The following MIS18A variants were observed in gnomAD, a reference collection of about 807,000 sequenced individuals.
MIS18A encodes MIS18 kinetochore protein A.
In MIS18A, 14 loss-of-function variants were observed where a neutral mutation model predicts 25.0. That is an observed-to-expected ratio of 0.56 (90% CI 0.37 to 0.88). The LOEUF (loss-of-function observed/expected upper bound fraction) is 0.88, where lower values mean the gene tolerates loss of function less well. Among genes scored for constraint, MIS18A ranks in the 40% least tolerant of loss-of-function variants. The pLI, the probability that MIS18A is intolerant of heterozygous loss-of-function variation, is 0.00. For synonymous variants in MIS18A, 134 were observed against 118.6 expected (o/e 1.13, Z -0.84); for missense variants, 292 against 290.8 (o/e 1.00, Z -0.03).
At chr21:32,248,455 T>A in the MIS18A span, among the ~76,000 whole-genome samples, 1 of 152,162 alleles carries the variant, frequency 6.6e-6, no homozygotes, top group East Asian at 1.9e-4. Context: ...GAGTCAGACA[T>A]ATGGTAGGTG....
the MIS18A span, among the ~76,000 whole-genome samples, chr21:32,251,927 T>C: frequency 7.2e-5 from 11 of 152,148 alleles, no homozygotes; most frequent in African/African-American, 2.7e-4. Context: ...TAAAAGTCCA[T>C]CTTACAAGCA....
At chr21:32,173,210 T>C in the MIS18A span, among the ~76,000 whole-genome samples, 3 of 152,164 alleles carry the variant, frequency 2.0e-5, no homozygotes, top group African/African-American at 7.2e-5. Flanking sequence ...GAATGCTCAG[T>C]ATCACTAGTC....
chr21:32,243,249 C>T, the MIS18A span, among the ~76,000 whole-genome samples: 2 of 152,090 alleles, frequency 1.3e-5, no homozygotes, highest in African/African-American at 4.8e-5. Context: ...TGGACTTTAT[C>T]AAAATCAAAA....
At chr21:32,219,042 T>C in the MIS18A span, among the ~76,000 whole-genome samples, 159 of 148,742 alleles carry the variant, frequency 1.1e-3, no homozygotes, top group African/African-American at 3.9e-3. Context: ...CACTCTAGCC[T>C]GGGTGACAGA....
the MIS18A span, among the ~76,000 whole-genome samples, chr21:32,187,820 G>T: frequency 6.6e-6 from 1 of 152,136 alleles, no homozygotes; most frequent in Non-Finnish European, 1.5e-5. Flanking sequence ...ATGCTAACAG[G>T]TTAGCTGGCA....
the MIS18A span, among the ~76,000 whole-genome samples, chr21:32,187,732 G>A: frequency 9.2e-5 from 14 of 152,120 alleles, no homozygotes; most frequent in East Asian, 1.9e-4. Flanking sequence ...GGGAGATGAC[G>A]AAGAAATCCC....
In MIS18A at chr21:32,274,767, CT is replaced by C; in HGVS notation, c.401+62del. On this transcript the variant is annotated intron_variant, in intron 2 of 4. Coordinates refer to ENST00000290130, the MANE Select transcript of MIS18A (RefSeq NM_018944.3). ...AAGTAATCTTACTACTAGTAATGAC[CT>C]TTTAAAGATTTTTATTAAAGAAAAT... 2.3e-6 allele frequency: 3 copies of C among 1,326,040 alleles called. No homozygotes were observed. The African/African-American group carries it at 4.5e-5, about 20-fold the overall frequency. The allele number at this position is 1,326,040 out of a possible 1,614,324, so 82.1% of individuals were successfully genotyped here.
chr21:32,185,453 C>T, the MIS18A span, among the ~76,000 whole-genome samples: 1 of 152,144 alleles, frequency 6.6e-6, no homozygotes, highest in African/African-American at 2.4e-5. Context: ...CTGTGGTGCT[C>T]CCAGGCTACC....
chr21:32,187,388 G>A, the MIS18A span, among the ~76,000 whole-genome samples: 1 of 152,228 alleles, frequency 6.6e-6, no homozygotes, highest in Non-Finnish European at 1.5e-5. Flanking sequence ...AAGGTCTGCA[G>A]AAAGTGGAGT....
the MIS18A span, among the ~76,000 whole-genome samples, chr21:32,231,709 C>A: frequency 1.3e-5 from 2 of 152,100 alleles, no homozygotes; most frequent in African/African-American, 2.4e-5. Context: ...GTCAGGAGAG[C>A]GAGACCATCC....
At chr21:32,238,950 GA>G in the MIS18A span, among the ~76,000 whole-genome samples, 114 of 150,120 alleles carry the variant, frequency 7.6e-4, no homozygotes, top group African/African-American at 2.4e-3. Flanking sequence ...TTTCTTGGGG[GA>G]AAAAAAAATA....
chr21:32,231,663 C>A, the MIS18A span, among the ~76,000 whole-genome samples: 1 of 152,188 alleles, frequency 6.6e-6, no homozygotes, highest in Admixed American at 6.5e-5. Flanking sequence ...GAGTTAATAC[C>A]AGCACTTTGG....
chr21:32,168,434 T>C, the MIS18A span, among the ~76,000 whole-genome samples: 24 of 152,226 alleles, frequency 1.6e-4, no homozygotes, highest in Non-Finnish European at 2.9e-4. Context: ...AGGAGACTTA[T>C]GTTAAAAATG....
At chr21:32,209,299 A>G in the MIS18A span, among the ~76,000 whole-genome samples, 1 of 152,216 alleles carries the variant, frequency 6.6e-6, no homozygotes, top group African/African-American at 2.4e-5. Context: ...TGATTTCGAC[A>G]GGTTAAATGG....
the MIS18A span, among the ~76,000 whole-genome samples, chr21:32,199,375 T>G: frequency 6.6e-6 from 1 of 152,026 alleles, no homozygotes; most frequent in African/African-American, 2.4e-5. Context: ...CTTCTTCCAT[T>G]TGAATCCTGT....
At chr21:32,210,460 G>T in the MIS18A span, among the ~76,000 whole-genome samples, 1 of 152,094 alleles carries the variant, frequency 6.6e-6, no homozygotes, top group Non-Finnish European at 1.5e-5. Flanking sequence ...TTTGTGAGTT[G>T]CCTCAAGTGT....
chr21:32,272,300 C>A (rs1389949236), intron 2 of MIS18A, among the ~76,000 whole-genome samples: 2 of 152,244 alleles, frequency 1.3e-5, no homozygotes, highest in Non-Finnish European at 2.9e-5. Flanking sequence ...CTAAAGCCCA[C>A]AGTGCTCTTG....
chr21:32,200,209 T>C, the MIS18A span, among the ~76,000 whole-genome samples: 1 of 152,212 alleles, frequency 6.6e-6, no homozygotes, highest in Non-Finnish European at 1.5e-5. Context: ...GGCATGGCCA[T>C]ATTCCAATAA....
chr21:32,245,351 G>C, the MIS18A span, among the ~76,000 whole-genome samples: 1 of 152,204 alleles, frequency 6.6e-6, no homozygotes, highest in African/African-American at 2.4e-5. Context: ...TGGAAACCCT[G>C]AAATGTCAAC....
Sources: gnomAD v4.1 joint callset for allele counts (sites outside exome capture counted in the v4.1 genomes callset) on GRCh38, gnomAD v4.1.1 for gene constraint, MANE v1.5 for transcripts, NCBI Gene and HGNC (gene_info 2026-07-23, HGNC 2026-07-21) for gene names.